The following AFF3 variants were observed in gnomAD, a reference collection of about 807,000 sequenced individuals.
AFF3 encodes AF4/FMR2 family member 3.
A neutral mutation model predicts 129.7 loss-of-function variants in AFF3; 32 were observed. The ratio of observed to expected loss-of-function variants is 0.25; its 90% CI spans 0.19 to 0.33. The LOEUF (loss-of-function observed/expected upper bound fraction) is 0.33. Among genes scored for constraint, AFF3 ranks in the 10% least tolerant of loss-of-function variants. The pLI, the probability that AFF3 is intolerant of heterozygous loss-of-function variation, is 1.00. For missense variants in AFF3, 1,373 were observed against 1,592.0 expected, an observed-to-expected ratio of 0.86 and a Z score of 2.34; for synonymous variants, 644 against 635.4, an observed-to-expected ratio of 1.01 and a Z score of -0.20.
chr2:100,133,992 A>G (rs1692535718), intron 1 of AFF3, among the ~76,000 whole-genome samples: 1 of 152,200 alleles, frequency 6.6e-6, no homozygotes, highest in Non-Finnish European at 1.5e-5. Context: ...TTATATTTCA[A>G]AAGAAATATA....
intron 8 of AFF3, among the ~76,000 whole-genome samples, chr2:99,769,709 C>T (rs1302299499): frequency 6.6e-6 from 1 of 152,180 alleles, no homozygotes; most frequent in Non-Finnish European, 1.5e-5. Flanking sequence ...TAGGGGGCAC[C>T]CCAAGTCCAG....
chr2:99,657,528 T>TA (rs1417520452), intron 12 of AFF3, among the ~76,000 whole-genome samples: 2 of 152,234 alleles, frequency 1.3e-5, no homozygotes, highest in African/African-American at 4.8e-5. Context: ...CCATAACACT[T>TA]ACAAGATGTG....
At chr2:100,052,042 G>A (rs1686378043) in intron 4 of AFF3, among the ~76,000 whole-genome samples, 1 of 152,204 alleles carries the variant, frequency 6.6e-6, no homozygotes, top group Admixed American at 6.5e-5. Context: ...GGCTGAGGAG[G>A]AGGACTGCAG....
rs1553499973 is a variant in AFF3, at chr2:99,997,481, C to CG, written c.873+9150_873+9151insC. Among the ~76,000 whole-genome samples the CG allele has an allele frequency of 1.4e-4, 21 of 151,950 alleles. 2 individuals carry two copies. The highest frequency in any genetic ancestry group is 5.1e-4 in the African/African-American group (21 of 41,418). On this transcript the variant is annotated intron_variant, in intron 7 of 24. Coordinates refer to ENST00000672756, the MANE Select transcript of AFF3 (RefSeq NM_001386135.1). ...CATGGTCCCAGCAACTATCACCCCC[C>CG]CCCCAGATTAGCACAATAACCTGCC...
At chr2:99,959,478 G>A (rs1677012517) in intron 7 of AFF3, among the ~76,000 whole-genome samples, 1 of 151,146 alleles carries the variant, frequency 6.6e-6, no homozygotes. Flanking sequence ...AGGAAGATTA[G>A]CACATCTAAC....
intron 14 of AFF3, among the ~76,000 whole-genome samples, chr2:99,595,092 G>T (rs773736761): frequency 5.3e-5 from 8 of 152,214 alleles, no homozygotes; most frequent in African/African-American, 9.6e-5. Context: ...CCCTGAAATG[G>T]ATGGGAAATG....
At chr2:100,105,939 C>T (rs936735000) in intron 2 of AFF3, 1 of 1,328,714 alleles carries the variant, frequency 7.5e-7, no homozygotes, top group Admixed American at 2.3e-5. Flanking sequence ...TTTTTCTGGG[C>T]AAGAACCGCT....
intron 2 of AFF3, chr2:100,106,013 G>A (rs775727706): frequency 5.4e-5 from 71 of 1,321,854 alleles, no homozygotes; most frequent in Non-Finnish European, 6.8e-5. Flanking sequence ...GCGTCAAGCC[G>A]AAGAGTCATC....
chr2:99,660,348 T>A (rs1273357937), intron 12 of AFF3, among the ~76,000 whole-genome samples: 3 of 152,252 alleles, frequency 2.0e-5, no homozygotes, highest in Non-Finnish European at 4.4e-5. Context: ...TCTGGCTTTA[T>A]GTTTCATTTA....
At chr2:99,971,746 ATTGGGGAGTCAGG>A (rs1678402933) in intron 7 of AFF3, among the ~76,000 whole-genome samples, 2 of 152,152 alleles carry the variant, frequency 1.3e-5, no homozygotes, top group Admixed American at 6.5e-5. Context: ...CGAGCCCTCC[ATTGGGGAGTCAGG>A]CCCAGAGCCA....
intron 7 of AFF3, among the ~76,000 whole-genome samples, chr2:99,885,940 A>G (rs1290967606): frequency 1.3e-5 from 2 of 152,160 alleles, no homozygotes; most frequent in Non-Finnish European, 2.9e-5. Context: ...CCTGTTACCA[A>G]CTAGTTTCAT....
At chr2:99,561,403 T>C (rs2104576553) in intron 20 of AFF3, among the ~76,000 whole-genome samples, 1 of 152,356 alleles carries the variant, frequency 6.6e-6, no homozygotes, top group East Asian at 1.9e-4. Context: ...TTGCTCTGGA[T>C]TTTACAATAT....
At chr2:100,141,488 A>AT (rs1692870441) in intron 1 of AFF3, among the ~76,000 whole-genome samples, 1 of 152,252 alleles carries the variant, frequency 6.6e-6, no homozygotes, top group African/African-American at 2.4e-5. Flanking sequence ...CATGCTTTTA[A>AT]TAATGGCAGA....
At chr2:100,000,563 T>C (rs1043284689) in intron 7 of AFF3, among the ~76,000 whole-genome samples, 3 of 152,044 alleles carry the variant, frequency 2.0e-5, no homozygotes, top group Admixed American at 2.0e-4. Context: ...CTCAACAATA[T>C]ACTCGCTTTT....
intron 4 of AFF3, among the ~76,000 whole-genome samples, chr2:100,043,222 C>T (rs1232822095): frequency 1.3e-5 from 2 of 152,156 alleles, no homozygotes; most frequent in African/African-American, 4.8e-5. Context: ...AAGATTACTC[C>T]TATGGAGCTG....
intron 7 of AFF3, among the ~76,000 whole-genome samples, chr2:99,846,493 T>C (rs897884041): frequency 1.3e-5 from 2 of 152,234 alleles, no homozygotes; most frequent in East Asian, 3.8e-4. Flanking sequence ...TTTTAAGGGA[T>C]GGCAGGAAAT....
At chr2:99,857,839 T>C (rs1690641664) in intron 7 of AFF3, among the ~76,000 whole-genome samples, 2 of 152,176 alleles carry the variant, frequency 1.3e-5, no homozygotes. Context: ...CTTAAACCCA[T>C]GGAATTCAAG....
intron 8 of AFF3, among the ~76,000 whole-genome samples, chr2:99,811,726 G>T (rs569297645): frequency 6.6e-6 from 1 of 152,218 alleles, no homozygotes. Flanking sequence ...GGAACGAAAG[G>T]ACAGAAAGAA....
intron 4 of AFF3, among the ~76,000 whole-genome samples, chr2:100,065,315 AC>A (rs944388135): frequency 6.6e-6 from 1 of 152,252 alleles, no homozygotes; most frequent in Non-Finnish European, 1.5e-5. Context: ...GAAGGCTGAT[AC>A]ACAATGAAAT....
Sources: allele counts gnomAD v4.1 joint callset (sites outside exome capture counted in the v4.1 genomes callset), GRCh38; gene constraint gnomAD v4.1.1; transcripts MANE v1.5; gene names NCBI Gene and HGNC (gene_info 2026-07-23, HGNC 2026-07-21).